Variants in TENM1 observed in about 807,000 individuals in gnomAD.
TENM1 encodes teneurin transmembrane protein 1.
In TENM1, 35 loss-of-function variants were observed where a neutral mutation model predicts 174.8. That is an observed-to-expected ratio of 0.20 (90% CI 0.15 to 0.27). TENM1 has a LOEUF of 0.27. TENM1 is among the 10% of genes least tolerant of loss of function. The pLI, the probability that TENM1 is intolerant of heterozygous loss-of-function variation, is 1.00. For missense variants in TENM1, 1,633 were observed against 2,130.1 expected, an observed-to-expected ratio of 0.77 and a Z score of 4.59; for synonymous variants, 781 against 798.7, an observed-to-expected ratio of 0.98 and a Z score of 0.37.
intron 11 of TENM1, among the ~76,000 whole-genome samples, chrX:124,586,400 T>A (rs2049514609): frequency 9.3e-6 from 1 of 107,923 alleles, no homozygotes; most frequent in African/African-American, 3.4e-5. Flanking sequence ...AATCAAGAAA[T>A]GTAATCCAGC....
chrX:124,881,988 C>T (rs770768821), intron 3 of TENM1, among the ~76,000 whole-genome samples: 54 of 112,231 alleles, frequency 4.8e-4, no homozygotes, highest in African/African-American at 1.5e-3. Flanking sequence ...TTCGGCCTCC[C>T]GAAGTGCTGG....
chrX:125,084,442 T>C, the TENM1 span, among the ~76,000 whole-genome samples: 3 of 111,156 alleles, frequency 2.7e-5, no homozygotes, highest in East Asian at 8.4e-4. Flanking sequence ...GTCGCTTTAG[T>C]AGTATTACCT....
At chrX:124,629,954 G>A (rs766874282) in intron 11 of TENM1, among the ~76,000 whole-genome samples, 2 of 111,743 alleles carry the variant, frequency 1.8e-5, no homozygotes, top group African/African-American at 3.3e-5. Context: ...TACTAACTAC[G>A]TGCCTAATGA....
chrX:124,890,586 T>G (rs1569475265), intron 3 of TENM1, among the ~76,000 whole-genome samples: 1 of 111,686 alleles, frequency 9.0e-6, no homozygotes, highest in Non-Finnish European at 1.9e-5. Flanking sequence ...ATGCTCAACA[T>G]CATTAACCAT....
At chrX:124,502,349 T>C (rs1047256985) in intron 19 of TENM1, among the ~76,000 whole-genome samples, 2 of 112,355 alleles carry the variant, frequency 1.8e-5, no homozygotes, top group African/African-American at 6.5e-5. Flanking sequence ...TTCAAGTCTG[T>C]GTGAAGCAAA....
chrX:124,968,487 A>G (rs764306380), upstream of TENM1, among the ~76,000 whole-genome samples: 3 of 111,513 alleles, frequency 2.7e-5, no homozygotes, highest in Non-Finnish European at 5.7e-5. Context: ...GTAACGAGAG[A>G]GAGAGAAAGA....
the TENM1 span, among the ~76,000 whole-genome samples, chrX:125,127,690 T>A: frequency 9.0e-6 from 1 of 110,982 alleles, no homozygotes; most frequent in Non-Finnish European, 1.9e-5. Flanking sequence ...TACTGTAATT[T>A]AGTTTAGTCC....
exon 30 of TENM1, chrX:124,383,699 T>C (rs1187174196): frequency 5.0e-6 from 6 of 1,209,652 alleles, no homozygotes; most frequent in Non-Finnish European, 6.7e-6. Flanking sequence ...GGAGTAGAGG[T>C]TGAATGGTTT....
intron 11 of TENM1, among the ~76,000 whole-genome samples, chrX:124,598,714 G>T (rs369300894): frequency 9.0e-5 from 10 of 111,332 alleles, no homozygotes; most frequent in African/African-American, 3.3e-4. Context: ...TGTGGACAGG[G>T]AGTAGAAGGA....
intron 16 of TENM1, among the ~76,000 whole-genome samples, chrX:124,526,030 T>A (rs2047967357): frequency 1.8e-5 from 2 of 112,240 alleles, no homozygotes; most frequent in African/African-American, 6.5e-5. Context: ...CCTTGGGACT[T>A]CCCTTAGGCT....
chrX:124,756,001 C>A (rs1160771872), intron 3 of TENM1, among the ~76,000 whole-genome samples: 1 of 101,574 alleles, frequency 9.8e-6, no homozygotes, highest in Non-Finnish European at 1.9e-5. Context: ...ATCTTTGTGC[C>A]ATTCTCTGTA....
intron 3 of TENM1, among the ~76,000 whole-genome samples, chrX:124,884,846 A>T (rs941222121): frequency 1.8e-5 from 2 of 111,824 alleles, no homozygotes; most frequent in East Asian, 5.6e-4. Context: ...AATTTGAGAA[A>T]TGTGTCGTTA....
chrX:124,894,281 T>C lies in TENM1; in HGVS notation c.535+15A>G. On this transcript the variant is annotated intron_variant, in intron 3 of 31. Transcript: ENST00000422452. Reference sequence around the variant, plus strand: ...AGTAAAAATAATTTGTGATCAAATATTTGAAAACACTTGCCTTGAGTAGAC... The same window carrying C: ...AGTAAAAATAATTTGTGATCAAATACTTGAAAACACTTGCCTTGAGTAGAC... The C allele has an allele frequency of 3.4e-6, 4 of 1,189,860 alleles. No homozygotes were observed. The highest frequency in any genetic ancestry group is 4.5e-6 in the Non-Finnish European group (4 of 880,451).
At chrX:125,078,369 A>G in the TENM1 span, among the ~76,000 whole-genome samples, 2 of 111,972 alleles carry the variant, frequency 1.8e-5, no homozygotes, top group African/African-American at 6.5e-5. Context: ...ATTAGTGAGC[A>G]GTCAGTTTGA....
chrX:125,161,112 T>C, the TENM1 span, among the ~76,000 whole-genome samples: 17 of 105,251 alleles, frequency 1.6e-4, no homozygotes, highest in Admixed American at 3.0e-4. Flanking sequence ...AATATCTGTA[T>C]CCATACAATG....
At chrX:124,642,059 T>C in intron 10 of TENM1, 68 bp from the exon 14 acceptor site, 2 of 777,275 alleles carry the variant, frequency 2.6e-6, no homozygotes, top group South Asian at 2.2e-5. Context: ...CATACCTTAG[T>C]ATGATGAAAC....
intron 1 of TENM1, among the ~76,000 whole-genome samples, chrX:124,910,945 G>T: frequency 9.4e-6 from 1 of 106,828 alleles, no homozygotes; most frequent in African/African-American, 3.4e-5. Flanking sequence ...ACAGGGTCTT[G>T]CTCTGTCACC....
Position 124,853,708 on chromosome X carries a change from G to A in TENM1, c.535+40588C>T, listed in dbSNP as rs6649293. Reference sequence around the variant, plus strand: ...CAGTAAGAATGGGGAACTAGAATGGGAACTGACTTAAGAACAAAAATCGAG... The same window carrying A: ...CAGTAAGAATGGGGAACTAGAATGGAAACTGACTTAAGAACAAAAATCGAG... On this transcript the variant is annotated intron_variant, in intron 3 of 31. Transcript: ENST00000422452. Among the ~76,000 whole-genome samples, 168 of 110,938 alleles carry A rather than the reference G, an allele frequency of 1.5e-3. 1 individual carries two copies. The highest frequency in any genetic ancestry group is 5.2e-3 in the African/African-American group (159 of 30,533).
intron 11 of TENM1, among the ~76,000 whole-genome samples, chrX:124,567,737 A>T (rs1332175704): frequency 9.0e-6 from 1 of 111,536 alleles, no homozygotes; most frequent in Non-Finnish European, 1.9e-5. Flanking sequence ...CTGGTCCCGA[A>T]TCTTGGTCTG....
Sources: allele counts gnomAD v4.1 joint callset (sites outside exome capture counted in the v4.1 genomes callset), GRCh38; gene constraint gnomAD v4.1.1; transcripts MANE v1.5; gene names NCBI Gene and HGNC (gene_info 2026-07-23, HGNC 2026-07-21).